The following OSBPL9 variants were observed in gnomAD, a reference collection of about 807,000 sequenced individuals.
The protein encoded by OSBPL9 is oxysterol binding protein like 9.
Under a neutral mutation model 106.6 loss-of-function variants are expected in OSBPL9, and 40 were observed. The ratio of observed to expected loss-of-function variants is 0.38; its 90% CI spans 0.29 to 0.49. The LOEUF is 0.49. OSBPL9 is among the 20% of genes least tolerant of loss of function. OSBPL9 has a pLI of 0.97. For missense variants in OSBPL9, 609 were observed against 887.2 expected (o/e 0.69, Z 3.98); for synonymous variants, 269 against 295.4 (o/e 0.91, Z 0.92).
At chr1:51,542,076 T>C in the OSBPL9 span, among the ~76,000 whole-genome samples, 1 of 152,090 alleles carries the variant, frequency 6.6e-6, no homozygotes, top group South Asian at 2.1e-4. Flanking sequence ...TTAGTAGAGA[T>C]GGGGTTTCAC....
At chr1:51,677,279 G>A (rs1379065296) in intron 3 of OSBPL9, among the ~76,000 whole-genome samples, 2 of 152,174 alleles carry the variant, frequency 1.3e-5, no homozygotes, top group East Asian at 3.8e-4. Flanking sequence ...GGTTAAACAT[G>A]TTATTCCAAT....
At chr1:51,628,692 T>C (rs973959187) in intron 1 of OSBPL9, among the ~76,000 whole-genome samples, 1 of 147,394 alleles carries the variant, frequency 6.8e-6, no homozygotes, top group South Asian at 2.2e-4. Context: ...TTCTTTTTTT[T>C]TTTTTTTTTG....
At chr1:51,731,352 G>T (rs1664352839) in intron 4 of OSBPL9, among the ~76,000 whole-genome samples, 1 of 152,152 alleles carries the variant, frequency 6.6e-6, no homozygotes, top group African/African-American at 2.4e-5. Context: ...TTGGGAAGCT[G>T]AGGCGGAAGG....
intron 3 of OSBPL9, among the ~76,000 whole-genome samples, chr1:51,675,299 G>A (rs987327655): frequency 6.6e-6 from 1 of 152,126 alleles, no homozygotes; most frequent in Non-Finnish European, 1.5e-5. Flanking sequence ...TGTAGGCTTG[G>A]AATGTTTGCC....
intron 21 of OSBPL9, 74 bp downstream of exon 21, chr1:51,785,960 A>G: frequency 8.2e-7 from 1 of 1,225,234 alleles, no homozygotes; most frequent in Non-Finnish European, 1.2e-6. Context: ...GGCTTCCTTC[A>G]TTAGTACTTC....
Position 51,772,152 on chromosome 1 carries a change from T to C in OSBPL9, c.1021T>C (p.Ser341Pro). 1 of 1,613,734 alleles carries C rather than the reference T, an allele frequency of 6.2e-7. No homozygotes were observed. The highest frequency in any genetic ancestry group is 8.5e-7 in the Non-Finnish European group (1 of 1,179,642). ...KRPDTTESLN[S>P]SLSNGTSDAD... ...CCCAGATACCACAGAATCACTTAAT[T>C]CTTCCTTGTCCAATGGAACAAGTGA... The change falls in exon 13 of 24, where the codon TCT becomes CCT. Residue 341 changes from serine to proline, a missense_variant. Ser to Pro is a moderately conservative substitution (Grantham distance 74, BLOSUM62 -1). Transcript: ENST00000428468.
chr1:51,535,368 A>G, the OSBPL9 span, among the ~76,000 whole-genome samples: 1,078 of 152,164 alleles, frequency 7.1e-3, 8 homozygotes, highest in African/African-American at 0.025. Context: ...AAAGGGAGAG[A>G]CTGAAGTCCA....
chr1:51,719,033 A>G (rs1319219738), intron 4 of OSBPL9, among the ~76,000 whole-genome samples: 1 of 152,074 alleles, frequency 6.6e-6, no homozygotes, highest in African/African-American at 2.4e-5. Context: ...TTTTCCCCCT[A>G]ATCTTTATAT....
At chr1:51,723,394 C>T (rs934046912) in intron 4 of OSBPL9, among the ~76,000 whole-genome samples, 6 of 152,204 alleles carry the variant, frequency 3.9e-5, no homozygotes, top group African/African-American at 9.6e-5. Flanking sequence ...ATTGGAATCA[C>T]ACAGTATGCA....
intron 2 of OSBPL9, among the ~76,000 whole-genome samples, chr1:51,663,507 T>C (rs1490036772): frequency 2.0e-5 from 3 of 152,218 alleles, no homozygotes; most frequent in African/African-American, 7.2e-5. Context: ...TTTTTTAAAT[T>C]GGAGGATTTA....
intron 2 of OSBPL9, among the ~76,000 whole-genome samples, chr1:51,666,272 C>T (rs1415487577): frequency 2.0e-5 from 3 of 152,084 alleles, no homozygotes; most frequent in Non-Finnish European, 4.4e-5. Context: ...GGTTAAGGTA[C>T]AGCCAATTTT....
intron 3 of OSBPL9, among the ~76,000 whole-genome samples, chr1:51,683,758 T>A (rs1653132152): frequency 1.3e-5 from 2 of 151,270 alleles, no homozygotes; most frequent in Admixed American, 1.3e-4. Flanking sequence ...GCGCCCCTGC[T>A]CTCCAACCTG....
intron 1 of OSBPL9, among the ~76,000 whole-genome samples, chr1:51,578,085 C>G (rs143205086): frequency 6.6e-6 from 1 of 152,112 alleles, no homozygotes; most frequent in Non-Finnish European, 1.5e-5. Context: ...TTCTGCTGAC[C>G]GTTGTGTGCC....
At chr1:51,614,367 C>G (rs1451521527), upstream of OSBPL9, 1 of 150,512 alleles carries the variant, frequency 6.6e-6, no homozygotes, top group African/African-American at 2.4e-5. Context: ...TGGCTCACTG[C>G]AGTCTTGACC....
At chr1:51,640,960 AT>A (rs57861935) in intron 1 of OSBPL9, among the ~76,000 whole-genome samples, 18 of 147,134 alleles carry the variant, frequency 1.2e-4, no homozygotes, top group Admixed American at 3.4e-4. Context: ...ATTAAAAAAA[AT>A]TTTTTTTTTT....
intron 1 of OSBPL9, among the ~76,000 whole-genome samples, chr1:51,591,963 C>T (rs1645277274): frequency 6.6e-6 from 1 of 152,114 alleles, no homozygotes; most frequent in Non-Finnish European, 1.5e-5. Flanking sequence ...ACCCTGGACC[C>T]CCGTAGCCAA....
chr1:51,525,504 C>T, the OSBPL9 span, among the ~76,000 whole-genome samples: 1 of 152,054 alleles, frequency 6.6e-6, no homozygotes, highest in Admixed American at 6.6e-5. Flanking sequence ...CATTATAGCA[C>T]AAATAGAGGA....
At chr1:51,552,707 C>A in the OSBPL9 span, among the ~76,000 whole-genome samples, 1 of 152,036 alleles carries the variant, frequency 6.6e-6, no homozygotes, top group Admixed American at 6.6e-5. Context: ...TCACTGCAAC[C>A]TCCGCCTCCC....
At chr1:51,652,145 G>T in intron 2 of OSBPL9, 104 bp downstream of exon 2, 1 of 788,438 alleles carries the variant, frequency 1.3e-6, no homozygotes, top group Non-Finnish European at 2.0e-6. Context: ...TTACATAATT[G>T]TTGGGGCAGG....
Sources: gnomAD v4.1 joint callset for allele counts (sites outside exome capture counted in the v4.1 genomes callset) on GRCh38, gnomAD v4.1.1 for gene constraint, MANE v1.5 for transcripts, NCBI Gene and HGNC (gene_info 2026-07-23, HGNC 2026-07-21) for gene names.